The following DLGAP2 variants were observed in gnomAD, a reference collection of about 807,000 sequenced individuals.
The protein encoded by DLGAP2 is disks large-associated protein 2.
A neutral mutation model predicts 100.3 loss-of-function variants in DLGAP2; 26 were observed. The observed-to-expected ratio is 0.26, with a 90% CI of 0.19 to 0.36. The LOEUF (loss-of-function observed/expected upper bound fraction) is 0.36. Among genes scored for constraint, DLGAP2 ranks in the 10% least tolerant of loss-of-function variants. The pLI is 1.00. For missense variants in DLGAP2, 1,858 were observed against 1,453.2 expected (o/e 1.28, Z -4.53); for synonymous variants, 886 against 630.1 (o/e 1.41, Z -6.08).
At chr8:970,079 T>C (rs1799976478) in intron 2 of DLGAP2, among the ~76,000 whole-genome samples, 1 of 152,212 alleles carries the variant, frequency 6.6e-6, no homozygotes, top group Non-Finnish European at 1.5e-5. Context: ...TTCATTTTTT[T>C]CATTTTTATC....
intron 2 of DLGAP2, among the ~76,000 whole-genome samples, chr8:1,150,972 G>C (rs531701796): frequency 6.6e-6 from 1 of 152,200 alleles, no homozygotes; most frequent in African/African-American, 2.4e-5. Flanking sequence ...TTTTTTGTAT[G>C]TTTGCAGGCA....
chr8:1,480,413 C>T (rs1414712753), intron 3 of DLGAP2, among the ~76,000 whole-genome samples: 1 of 152,094 alleles, frequency 6.6e-6, no homozygotes, highest in Non-Finnish European at 1.5e-5. Flanking sequence ...CTCTCTGCAC[C>T]CATGGCAGGG....
chr8:909,091 T>G (rs1177371554), intron 2 of DLGAP2, among the ~76,000 whole-genome samples: 3 of 152,204 alleles, frequency 2.0e-5, no homozygotes, highest in Non-Finnish European at 4.4e-5. Context: ...ATAGAACTCT[T>G]CTTGAGAATG....
chr8:1,225,832 A>G (rs921852621), intron 2 of DLGAP2, among the ~76,000 whole-genome samples: 5 of 152,210 alleles, frequency 3.3e-5, no homozygotes, highest in African/African-American at 1.2e-4. Context: ...AAAATTGCTA[A>G]GGAGTAAATT....
chr8:1,364,510 G>C (rs546475320), intron 3 of DLGAP2, among the ~76,000 whole-genome samples: 2 of 149,090 alleles, frequency 1.3e-5, no homozygotes, highest in African/African-American at 4.9e-5. Context: ...GGCGGGGGGG[G>C]TGCAGCGAAG....
At chr8:1,553,675 C>T (rs1172614654) in intron 5 of DLGAP2, among the ~76,000 whole-genome samples, 2 of 152,192 alleles carry the variant, frequency 1.3e-5, no homozygotes, top group East Asian at 1.9e-4. Flanking sequence ...CCTCTGCAGC[C>T]GGTCCCATCA....
chr8:1,659,658 G>C (rs538001249), intron 8 of DLGAP2, among the ~76,000 whole-genome samples: 1 of 152,188 alleles, frequency 6.6e-6, no homozygotes, highest in African/African-American at 2.4e-5. Context: ...GAGAGTAGGA[G>C]TGCAACTCCT....
At chr8:1,526,259 C>T (rs371954614) in intron 4 of DLGAP2, among the ~76,000 whole-genome samples, 4 of 151,834 alleles carry the variant, frequency 2.6e-5, no homozygotes, top group African/African-American at 9.7e-5. Context: ...TTTACACTCA[C>T]GGGTCCATAG....
At chr8:809,977 C>T (rs1796342213) in intron 1 of DLGAP2, among the ~76,000 whole-genome samples, 1 of 152,200 alleles carries the variant, frequency 6.6e-6, no homozygotes, top group South Asian at 2.1e-4. Flanking sequence ...GCGGTCAAGG[C>T]CCTCAGCTCT....
At chr8:900,573 C>G (rs1008718888) in intron 1 of DLGAP2, among the ~76,000 whole-genome samples, 1 of 152,174 alleles carries the variant, frequency 6.6e-6, no homozygotes, top group African/African-American at 2.4e-5. Flanking sequence ...GTACCTTGTT[C>G]CCCATCAGAA....
intron 3 of DLGAP2, among the ~76,000 whole-genome samples, chr8:1,408,014 C>G (rs963776572): frequency 6.6e-6 from 1 of 152,226 alleles, no homozygotes; most frequent in Non-Finnish European, 1.5e-5. Context: ...TCGCTGGACT[C>G]AGCACTGGAT....
chr8:1,429,370 T>C (rs192571520), intron 3 of DLGAP2, among the ~76,000 whole-genome samples: 3 of 152,294 alleles, frequency 2.0e-5, no homozygotes, highest in East Asian at 1.9e-4. Flanking sequence ...AATTAAACTT[T>C]CGTTAACACT....
intron 8 of DLGAP2, among the ~76,000 whole-genome samples, chr8:1,658,051 A>C (rs1798324571): frequency 6.6e-6 from 1 of 152,142 alleles, no homozygotes; most frequent in South Asian, 2.1e-4. Flanking sequence ...GGAGGTGGTG[A>C]TTGGCTTACA....
chr8:1,300,529 T>A (rs534518945), intron 3 of DLGAP2: 2 of 152,406 alleles, frequency 1.3e-5, no homozygotes, highest in South Asian at 2.1e-4. Flanking sequence ...CTCCTGTCCC[T>A]GTTCAGTCCC....
At chr8:1,518,783 G>A (rs145403475) in intron 4 of DLGAP2, among the ~76,000 whole-genome samples, 1 of 152,164 alleles carries the variant, frequency 6.6e-6, no homozygotes, top group South Asian at 2.1e-4. Flanking sequence ...TCGAACCCAT[G>A]TTAGATATTT....
At chr8:1,466,703 G>T (rs79421425) in intron 3 of DLGAP2, among the ~76,000 whole-genome samples, 4,156 of 152,204 alleles carry the variant, frequency 0.027, 167 homozygotes, top group African/African-American at 0.096. Flanking sequence ...TAGATACAGA[G>T]GCTGTGTGTG....
At chr8:1,408,747 G>C (rs1796645554) in intron 3 of DLGAP2, among the ~76,000 whole-genome samples, 1 of 152,136 alleles carries the variant, frequency 6.6e-6, no homozygotes, top group Non-Finnish European at 1.5e-5. Flanking sequence ...ACCCGGGAAA[G>C]CCAGGTTTTG....
intron 3 of DLGAP2, among the ~76,000 whole-genome samples, chr8:1,313,899 C>G (rs1215011707): frequency 6.6e-6 from 1 of 151,950 alleles, no homozygotes; most frequent in African/African-American, 2.4e-5. Flanking sequence ...CCACCTGACC[C>G]CCAAGAACCA....
At chr8:1,302,613 G>A (rs1461731322) in intron 3 of DLGAP2, 1 of 152,202 alleles carries the variant, frequency 6.6e-6, no homozygotes, top group Non-Finnish European at 1.5e-5. Flanking sequence ...TTTTCTGTAG[G>A]TTCCCGAGCC....
Sources: allele counts gnomAD v4.1 joint callset (sites outside exome capture counted in the v4.1 genomes callset), GRCh38; gene constraint gnomAD v4.1.1; transcripts MANE v1.5; gene names NCBI Gene and HGNC (gene_info 2026-07-23, HGNC 2026-07-21).